PABPC4L: variants seen among roughly 807,000 people sequenced by gnomAD.
PABPC4L encodes polyadenylate-binding protein 4-like.
For synonymous variants in PABPC4L, 169 were observed against 164.1 expected (o/e 1.03, Z -0.23); for missense variants, 452 against 451.4 (o/e 1.00, Z -0.01).
chr4:134,050,880 A>ATTTTTTTTT, the PABPC4L span, among the ~76,000 whole-genome samples: 4 of 134,720 alleles, frequency 3.0e-5, no homozygotes, highest in Non-Finnish European at 4.7e-5. Context: ...ATTGACCTTT[A>ATTTTTTTTT]TTTTTTTTTT....
the PABPC4L span, among the ~76,000 whole-genome samples, chr4:134,135,592 G>A: frequency 2.0e-5 from 3 of 152,052 alleles, no homozygotes; most frequent in Non-Finnish European, 4.4e-5. Context: ...CGGCACTTGG[G>A]AGGCCTAGGC....
the PABPC4L span, among the ~76,000 whole-genome samples, chr4:134,106,539 A>G: frequency 2.0e-5 from 3 of 151,536 alleles, no homozygotes; most frequent in Non-Finnish European, 3.0e-5. Flanking sequence ...CATTTGCTTC[A>G]TGGAATTTAA....
At chr4:134,160,433 AG>A in the PABPC4L span, among the ~76,000 whole-genome samples, 2 of 152,140 alleles carry the variant, frequency 1.3e-5, no homozygotes, top group Non-Finnish European at 2.9e-5. Flanking sequence ...GTGCTGAAAG[AG>A]CTGCAGTGAC....
chr4:134,095,290 C>T, the PABPC4L span, among the ~76,000 whole-genome samples: 1 of 151,664 alleles, frequency 6.6e-6, no homozygotes, highest in South Asian at 2.1e-4. Flanking sequence ...AAAATATTTG[C>T]CATAGAGCAG....
At position 134,199,947 on chromosome 4, in the gene PABPC4L, C is replaced by A. The variant is rs2125709463; in HGVS notation, c.1073G>T (p.Gly358Val). ...CAAGGCAATGCTAAGAGGTTTGGAG[C>A]CCAAGATGCGGCCATTCATCTCAGT... ...AMTEMNGRIL[G>V]SKPLSIALAQ... Residue 358 changes from glycine to valine, a missense_variant, in exon 2 of 2, where the codon GGC (glycine) becomes GTC (valine). By Grantham distance (109) the Gly-to-Val change is moderately radical (BLOSUM62 -3). Coordinates refer to ENST00000421491, the MANE Select transcript of PABPC4L (RefSeq NM_001114734.2). 2 of 1,551,612 alleles carry A rather than the reference C, an allele frequency of 1.3e-6. No individual in the cohort carries two copies. The highest frequency in any genetic ancestry group is 1.7e-6 in the Non-Finnish European group (2 of 1,146,960).
chr4:133,955,872 A>G, the PABPC4L span, among the ~76,000 whole-genome samples: 3 of 152,196 alleles, frequency 2.0e-5, no homozygotes, highest in African/African-American at 4.8e-5. Context: ...TATTCTGAAG[A>G]GTCTTACAAA....
the PABPC4L span, among the ~76,000 whole-genome samples, chr4:133,950,998 C>A: frequency 1.3e-5 from 2 of 152,166 alleles, no homozygotes; most frequent in Non-Finnish European, 2.9e-5. Context: ...CTTGTAGGAG[C>A]TTTAGGGACT....
the PABPC4L span, among the ~76,000 whole-genome samples, chr4:133,977,429 GT>G: frequency 6.6e-6 from 1 of 152,006 alleles, no homozygotes; most frequent in African/African-American, 2.4e-5. Flanking sequence ...TTTTTAAATA[GT>G]TTTTTTCTAA....
At chr4:134,172,641 G>A in the PABPC4L span, among the ~76,000 whole-genome samples, 3 of 151,880 alleles carry the variant, frequency 2.0e-5, no homozygotes, top group Admixed American at 1.3e-4. Context: ...CAATTGCAAC[G>A]ACAACAAAAA....
the PABPC4L span, among the ~76,000 whole-genome samples, chr4:134,190,439 TC>T: frequency 6.6e-6 from 1 of 152,048 alleles, no homozygotes; most frequent in African/African-American, 2.4e-5. Context: ...TTTTTCTAAT[TC>T]TTTAATTTTT....
the PABPC4L span, among the ~76,000 whole-genome samples, chr4:134,103,553 T>C: frequency 1.3e-5 from 2 of 151,658 alleles, no homozygotes; most frequent in African/African-American, 2.4e-5. Flanking sequence ...TTAGGGCATA[T>C]CCATATGACC....
At chr4:133,973,117 C>T in the PABPC4L span, among the ~76,000 whole-genome samples, 2 of 151,962 alleles carry the variant, frequency 1.3e-5, no homozygotes, top group African/African-American at 4.8e-5. Context: ...ATATATATGA[C>T]CAAAATAAAG....
At chr4:134,160,165 T>G in the PABPC4L span, among the ~76,000 whole-genome samples, 1 of 152,076 alleles carries the variant, frequency 6.6e-6, no homozygotes, top group Non-Finnish European at 1.5e-5. Context: ...ACCATGCTGA[T>G]CTGGAAAACA....
the PABPC4L span, among the ~76,000 whole-genome samples, chr4:134,148,503 A>G: frequency 1.3e-5 from 2 of 152,014 alleles, no homozygotes; most frequent in Non-Finnish European, 2.9e-5. Context: ...ATTTCCCTCA[A>G]CTTGTGTCAG....
the PABPC4L span, among the ~76,000 whole-genome samples, chr4:134,109,449 G>T: frequency 7.9e-5 from 12 of 151,504 alleles, no homozygotes; most frequent in Admixed American, 3.3e-4. Context: ...GATGAATCCA[G>T]GTGATACAAT....
chr4:134,148,060 A>T, the PABPC4L span, among the ~76,000 whole-genome samples: 1 of 152,056 alleles, frequency 6.6e-6, no homozygotes, highest in African/African-American at 2.4e-5. Context: ...GAGTGGTGTG[A>T]ATTCCATAAC....
chr4:134,178,949 A>T, the PABPC4L span, among the ~76,000 whole-genome samples: 1 of 152,126 alleles, frequency 6.6e-6, no homozygotes, highest in African/African-American at 2.4e-5. Flanking sequence ...AGAGGAAGAG[A>T]ACTAAGCAAC....
At chr4:134,035,707 G>A in the PABPC4L span, among the ~76,000 whole-genome samples, 1 of 151,868 alleles carries the variant, frequency 6.6e-6, no homozygotes, top group Non-Finnish European at 1.5e-5. Context: ...ATAGTCATCA[G>A]TCCTCAATTA....
At chr4:134,014,183 A>G in the PABPC4L span, among the ~76,000 whole-genome samples, 1 of 152,218 alleles carries the variant, frequency 6.6e-6, no homozygotes, top group Admixed American at 6.5e-5. Context: ...TTATTACCCA[A>G]TCTGCTCCCG....
Sources: allele counts gnomAD v4.1 joint callset (sites outside exome capture counted in the v4.1 genomes callset), GRCh38; gene constraint gnomAD v4.1.1; transcripts MANE v1.5; gene names NCBI Gene and HGNC (gene_info 2026-07-23, HGNC 2026-07-21).